Variants in PAPSS1 observed in about 807,000 individuals in gnomAD.
The protein encoded by PAPSS1 is bifunctional 3'-phosphoadenosine 5'-phosphosulfate synthase 1.
A neutral mutation model predicts 72.0 loss-of-function variants in PAPSS1; 50 were observed. The observed-to-expected ratio is 0.69, with a 90% CI of 0.55 to 0.88. The LOEUF (loss-of-function observed/expected upper bound fraction) is 0.88. Among genes scored for constraint, PAPSS1 ranks in the 40% least tolerant of loss-of-function variants. The pLI is 0.00. For missense variants in PAPSS1, 657 were observed against 782.2 expected (o/e 0.84, Z 1.91); for synonymous variants, 261 against 263.6 (o/e 0.99, Z 0.09).
intron 11 of PAPSS1, among the ~76,000 whole-genome samples, 165 bp from the exon 12 acceptor site, chr4:107,614,552 A>C (rs76667645): frequency 6.6e-6 from 1 of 151,698 alleles, no homozygotes; most frequent in Non-Finnish European, 1.5e-5. Context: ...CTGAACAAAA[A>C]ACCACTATTG....
At chr4:107,643,206 A>G (rs1726599342) in intron 10 of PAPSS1, among the ~76,000 whole-genome samples, 1 of 152,186 alleles carries the variant, frequency 6.6e-6, no homozygotes, top group African/African-American at 2.4e-5. Context: ...AAATACTAAA[A>G]ACCAGCTGGA....
intron 9 of PAPSS1, among the ~76,000 whole-genome samples, chr4:107,650,599 G>C (rs1248593052): frequency 6.6e-6 from 1 of 152,144 alleles, no homozygotes; most frequent in African/African-American, 2.4e-5. Context: ...CTGTTCACCA[G>C]CAGAAAAGGG....
At chr4:107,672,927 C>T (rs1024486472) in intron 5 of PAPSS1, among the ~76,000 whole-genome samples, 86 of 152,278 alleles carry the variant, frequency 5.6e-4, no homozygotes, top group African/African-American at 1.7e-3. Context: ...CTGCAGCCTC[C>T]GCTGCTGATA....
At chr4:107,705,154 A>C (rs1405982597) in intron 1 of PAPSS1, among the ~76,000 whole-genome samples, 1 of 152,180 alleles carries the variant, frequency 6.6e-6, no homozygotes, top group Non-Finnish European at 1.5e-5. Context: ...CTTTGGTATC[A>C]AGGTAATGCT....
intron 1 of PAPSS1, among the ~76,000 whole-genome samples, chr4:107,710,787 C>CTT (rs1385852645): frequency 6.6e-6 from 1 of 152,228 alleles, no homozygotes; most frequent in Admixed American, 6.5e-5. Context: ...TCCTGTCCAT[C>CTT]TGCAAAGATG....
chr4:107,703,822 T>C (rs1385510422), intron 1 of PAPSS1, among the ~76,000 whole-genome samples: 1 of 152,238 alleles, frequency 6.6e-6, no homozygotes, highest in Non-Finnish European at 1.5e-5. Flanking sequence ...AAGATTGCTT[T>C]GGTTATCTGG....
At chr4:107,695,978 C>T (rs557800628) in intron 2 of PAPSS1, among the ~76,000 whole-genome samples, 1 of 152,280 alleles carries the variant, frequency 6.6e-6, no homozygotes, top group South Asian at 2.1e-4. Context: ...AAAAGCTCAA[C>T]ATCACTGATC....
chr4:107,685,038 T>C (rs1391744782), intron 4 of PAPSS1, among the ~76,000 whole-genome samples: 1 of 152,222 alleles, frequency 6.6e-6, no homozygotes, highest in African/African-American at 2.4e-5. Context: ...CCTGAGTAGC[T>C]GGGACTACAG....
intron 9 of PAPSS1, among the ~76,000 whole-genome samples, chr4:107,650,858 A>C (rs191614375): frequency 1.3e-3 from 196 of 152,280 alleles, no homozygotes; most frequent in Admixed American, 4.3e-3. Flanking sequence ...TGAAAAAAAA[A>C]CAGAATTTGT....
chr4:107,633,414 T>C (rs1471191847), intron 10 of PAPSS1, among the ~76,000 whole-genome samples: 1 of 152,224 alleles, frequency 6.6e-6, no homozygotes, highest in East Asian at 1.9e-4. Context: ...CTGTTTTTCC[T>C]AGAGTTAATG....
intron 10 of PAPSS1, among the ~76,000 whole-genome samples, chr4:107,633,414 TAG>T (rs1726273203): frequency 6.6e-6 from 1 of 152,224 alleles, no homozygotes; most frequent in South Asian, 2.1e-4. Context: ...CTGTTTTTCC[TAG>T]AGTTAATGAT....
intron 5 of PAPSS1, among the ~76,000 whole-genome samples, chr4:107,666,017 G>A (rs1300255827): frequency 6.6e-6 from 1 of 151,956 alleles, no homozygotes; most frequent in Non-Finnish European, 1.5e-5. Context: ...TGAACACAAG[G>A]GCACATTCAT....
chr4:107,643,075 A>G (rs1726593464), intron 10 of PAPSS1, among the ~76,000 whole-genome samples: 1 of 152,262 alleles, frequency 6.6e-6, no homozygotes. Flanking sequence ...AACACCACAC[A>G]GCACCAAGAA....
intron 1 of PAPSS1, among the ~76,000 whole-genome samples, chr4:107,709,203 T>C (rs1723424935): frequency 1.3e-5 from 2 of 152,176 alleles, no homozygotes; most frequent in African/African-American, 4.8e-5. Context: ...TTAAAAAAAA[T>C]TGCCACATTG....
chr4:107,675,293 C>A (rs1727608825), intron 5 of PAPSS1, among the ~76,000 whole-genome samples: 1 of 151,888 alleles, frequency 6.6e-6, no homozygotes, highest in South Asian at 2.1e-4. Context: ...ACTAACAAGA[C>A]TAATAAAGAA....
intron 1 of PAPSS1, among the ~76,000 whole-genome samples, chr4:107,716,249 A>T (rs947130686): frequency 6.6e-6 from 1 of 152,238 alleles, no homozygotes; most frequent in African/African-American, 2.4e-5. Context: ...GCAAGTGAAC[A>T]TATGTACCTA....
At chr4:107,646,675 G>C (rs1176066219) in intron 9 of PAPSS1, among the ~76,000 whole-genome samples, 1 of 152,116 alleles carries the variant, frequency 6.6e-6, no homozygotes, top group Non-Finnish European at 1.5e-5. Flanking sequence ...ACAACAGCAA[G>C]AACAGGCACC....
At chr4:107,636,537 TG>T (rs921010956) in intron 10 of PAPSS1, among the ~76,000 whole-genome samples, 1 of 152,062 alleles carries the variant, frequency 6.6e-6, no homozygotes, top group African/African-American at 2.4e-5. Context: ...ATGAGAGTGA[TG>T]GGAAGTATGA....
intron 9 of PAPSS1, among the ~76,000 whole-genome samples, chr4:107,646,338 TACACACATAC>T (rs1726694832): frequency 7.2e-6 from 1 of 139,658 alleles, no homozygotes; most frequent in Non-Finnish European, 1.5e-5. Flanking sequence ...TACACACACA[TACACACATAC>T]ACACACACAC....
Sources: gnomAD v4.1 joint callset for allele counts (sites outside exome capture counted in the v4.1 genomes callset) on GRCh38, gnomAD v4.1.1 for gene constraint, MANE v1.5 for transcripts, NCBI Gene and HGNC (gene_info 2026-07-23, HGNC 2026-07-21) for gene names.